The following AP3B2 variants were observed in gnomAD, a reference collection of about 807,000 sequenced individuals.
AP3B2 encodes the protein AP-3 complex subunit beta-2.
AP3B2 carries 50 observed loss-of-function variants against 126.9 expected under a neutral mutation model. The observed-to-expected ratio is 0.39, with a 90% confidence interval of 0.31 to 0.50. The LOEUF is 0.50. Ranked by LOEUF, AP3B2 falls within the 20% of genes least tolerant of loss-of-function variation. The probability of loss-of-function intolerance (pLI) is 0.79; values close to 1 mark genes in which losing one functional copy is unlikely to be tolerated. For synonymous variants in AP3B2, 541 were observed against 565.0 expected (o/e 0.96, Z 0.60); for missense variants, 1,177 against 1,426.4 (o/e 0.83, Z 2.82).
At chr15:82,688,225 T>TA in intron 4 of AP3B2, 2 of 574,552 alleles carry the variant, frequency 3.5e-6, no homozygotes, top group Non-Finnish European at 6.2e-6. Flanking sequence ...CAAGATGTCT[T>TA]AGACTAACCA....
chr15:82,686,732 T>C (rs2048432720), intron 4 of AP3B2: 1 of 151,990 alleles, frequency 6.6e-6, no homozygotes, highest in South Asian at 2.1e-4. Context: ...ATCAATTTTT[T>C]TTTTTTTTGA....
At chr15:82,675,053 A>G (rs2048221263) in intron 14 of AP3B2, among the ~76,000 whole-genome samples, 6 of 152,064 alleles carry the variant, frequency 3.9e-5, no homozygotes, top group African/African-American at 1.2e-4. Context: ...CATTCCTCCC[A>G]CTTGCTCCTT....
rs750637231 is a variant in AP3B2, at chr15:82,665,224, C to G, written c.2028+23G>C. On this transcript the variant is annotated intron_variant, in intron 17 of 26. Transcript: ENST00000535359. This position sits in a 1 kb window ranked among gnomAD's most constrained non-coding sequence, Gnocchi z 4.4. ...GACACAGACAGGGCAGGGGAGAGAG[C>G]ACACGTCACACGAAGGTGGGACCTC... 1.2e-5 allele frequency: 19 copies of G among 1,535,900 alleles called. No individual in the cohort carries two copies. Among genetic ancestry groups the G allele is most frequent in the Non-Finnish European group, 1.7e-5 (19 of 1,145,972 alleles).
chr15:82,663,153 G>A lies in AP3B2; in HGVS notation c.2578C>T (p.Leu860Phe). 6.2e-7 allele frequency: 1 copy of A among 1,612,172 alleles called. No individual in the cohort carries two copies. Among genetic ancestry groups the A allele is most frequent in the East Asian group, 2.2e-5 (1 of 44,868 alleles). ...GACGGTACCAGGGTGGAGTCTGTGA[G>A]TGTCAGGCCCTCCAGGTCAGCAGCC... ...SLAADLEGLTLTDSTLVPSLL... is the reference protein window; with the variant it reads ...SLAADLEGLTFTDSTLVPSLL... The change falls in exon 22 of 27, where the codon CTC (leucine) becomes TTC (phenylalanine). Residue 860 changes from leucine (L) to phenylalanine (F), a missense_variant. Physicochemically the swap from Leu to Phe is conservative, Grantham distance 22. This residue lies in a region of AP3B2 where 587 missense variants were observed against 571.3 expected (regional missense o/e 1.03). Coordinates refer to ENST00000535359, the MANE Select transcript of AP3B2 (RefSeq NM_001278512.2).
chr15:82,690,794 C>T (rs1206470253), intron 1 of AP3B2, among the ~76,000 whole-genome samples: 2 of 151,794 alleles, frequency 1.3e-5, no homozygotes, highest in African/African-American at 4.8e-5. Context: ...GCTGGGACTA[C>T]AGGTACCCGC....
chr15:82,706,228 C>T (rs2048793663), intron 1 of AP3B2, among the ~76,000 whole-genome samples: 2 of 152,194 alleles, frequency 1.3e-5, no homozygotes, highest in South Asian at 2.1e-4. Context: ...ACACCTGACG[C>T]ATATACTTTC....
intron 1 of AP3B2, among the ~76,000 whole-genome samples, chr15:82,698,829 A>C (rs1315435664): frequency 6.6e-6 from 1 of 152,112 alleles, no homozygotes; most frequent in East Asian, 1.9e-4. Context: ...CAGCCTAGTG[A>C]GTACATTCCA....
intron 1 of AP3B2, among the ~76,000 whole-genome samples, chr15:82,707,256 C>A (rs2151464491): frequency 6.6e-6 from 1 of 152,296 alleles, no homozygotes; most frequent in South Asian, 2.1e-4. Context: ...AAAAACACAC[C>A]TCACCAAGCT....
At chr15:82,706,227 G>T (rs571378797) in intron 1 of AP3B2, among the ~76,000 whole-genome samples, 2 of 152,006 alleles carry the variant, frequency 1.3e-5, no homozygotes, top group African/African-American at 4.8e-5. Flanking sequence ...CACACCTGAC[G>T]CATATACTTT....
chr15:82,673,431 C>G (rs1334049662), intron 14 of AP3B2, among the ~76,000 whole-genome samples: 1 of 152,126 alleles, frequency 6.6e-6, no homozygotes, highest in African/African-American at 2.4e-5. Flanking sequence ...TCAGGCTGGT[C>G]TTGAATTCAT....
chr15:82,695,568 G>A (rs969991208), intron 1 of AP3B2, among the ~76,000 whole-genome samples: 68 of 152,144 alleles, frequency 4.5e-4, no homozygotes, highest in African/African-American at 1.6e-3. Context: ...GAAGGTGCCT[G>A]GAGGGTGTGG....
At chr15:82,670,095 A>AATG (rs2048127629) in intron 14 of AP3B2, among the ~76,000 whole-genome samples, 1 of 84,312 alleles carries the variant, frequency 1.2e-5, no homozygotes, top group Non-Finnish European at 2.5e-5. Flanking sequence ...AAAAAAAATC[A>AATG]GTGGCTTTTT....
intron 1 of AP3B2, among the ~76,000 whole-genome samples, chr15:82,707,139 G>T (rs1371907735): frequency 6.6e-6 from 1 of 150,498 alleles, no homozygotes; most frequent in South Asian, 2.1e-4. Flanking sequence ...AGCCTTTACT[G>T]GTCAAATCAC....
intron 1 of AP3B2, chr15:82,691,823 C>G: frequency 7.1e-7 from 1 of 1,404,040 alleles, no homozygotes. Flanking sequence ...GTAGCCATAG[C>G]TGGTGCTTCT....
intron 14 of AP3B2, among the ~76,000 whole-genome samples, chr15:82,670,579 A>G (rs2048139902): frequency 6.6e-6 from 1 of 152,244 alleles, no homozygotes; most frequent in Non-Finnish European, 1.5e-5. Flanking sequence ...ACTTAAATCT[A>G]ACACTTCAAA....
intron 1 of AP3B2, among the ~76,000 whole-genome samples, chr15:82,698,956 C>T (rs8032321): frequency 0.16 from 23,663 of 152,142 alleles, 1,979 homozygotes; most frequent in Non-Finnish European, 0.2. Context: ...TGACACAGAC[C>T]GCAGCCACCA....
In AP3B2 at chr15:82,663,572, C is replaced by T; in HGVS notation, c.2485G>A (p.Asp829Asn). 1 of 1,613,792 alleles carries T rather than the reference C, an allele frequency of 6.2e-7. No homozygotes were observed. Among genetic ancestry groups the T allele is most frequent in the Non-Finnish European group, 8.5e-7 (1 of 1,179,824 alleles). Residue 829 changes from aspartate (D) to asparagine (N), a missense_variant, in exon 21 of 27, where the codon GAT becomes AAT. Asp to Asn is a conservative substitution (Grantham distance 23). This residue lies in a region of AP3B2 where 587 missense variants were observed against 571.3 expected (regional missense o/e 1.03). Coordinates refer to ENST00000535359, the MANE Select transcript of AP3B2 (RefSeq NM_001278512.2). Reference protein sequence around the residue: ...APATKEISLLDLEDFTPPSVQ... With the variant: ...APATKEISLLNLEDFTPPSVQ... The stretch of plus-strand genomic sequence containing the variant: ...CACCCAAACTCACAATCCTCTAGAT[C>T]AAGCAGGGAGATCTCCTTGGTTGCA...
In AP3B2 at chr15:82,701,020, C is replaced by T. The variant is rs2048713177; in HGVS notation, c.113+8574G>A. 3.3e-5 allele frequency among the ~76,000 whole-genome samples: 5 copies of T among 152,234 alleles called. No individual in the cohort carries two copies. In the South Asian group the frequency reaches 8.3e-4, roughly 25 times the overall value. On this transcript the variant is annotated intron_variant, in intron 1 of 26. Transcript: ENST00000535359. The stretch of plus-strand genomic sequence containing the variant: ...GGATTATAGACATGCGTTACCACAA[C>T]TGGCTAATTTTTGTATTTTTAGTAG...
intron 10 of AP3B2, among the ~76,000 whole-genome samples, chr15:82,679,248 C>G (rs907261936): frequency 3.3e-5 from 5 of 152,172 alleles, no homozygotes; most frequent in African/African-American, 9.7e-5. Flanking sequence ...CTCAGCCTCT[C>G]GAGTAGCTGG....
Sources: allele counts gnomAD v4.1 joint callset (sites outside exome capture counted in the v4.1 genomes callset), GRCh38; gene constraint gnomAD v4.1.1; regional missense constraint gnomAD v4.1.1; non-coding constraint Gnocchi (gnomAD v3.1); transcripts MANE v1.5; gene names NCBI Gene and HGNC (gene_info 2026-07-23, HGNC 2026-07-21).